Variants in GPC5 observed in about 807,000 individuals in gnomAD.
GPC5 encodes glypican 5, also known as glypican-5.
Under a neutral mutation model 53.9 loss-of-function variants are expected in GPC5, and 47 were observed. The observed-to-expected ratio is 0.87, with a 90% CI of 0.69 to 1.11. The LOEUF (loss-of-function observed/expected upper bound fraction) is 1.11, where lower values mean the gene tolerates loss of function less well. GPC5 is among the 50% of genes most tolerant of loss of function. The pLI is 0.00. For synonymous variants in GPC5, 286 were observed against 263.3 expected (o/e 1.09, Z -0.84); for missense variants, 748 against 713.1 (o/e 1.05, Z -0.56).
At chr13:91,855,866 A>G (rs1006933010) in intron 5 of GPC5, among the ~76,000 whole-genome samples, 2 of 151,570 alleles carry the variant, frequency 1.3e-5, no homozygotes, top group South Asian at 4.1e-4. Flanking sequence ...GATTGTAGAT[A>G]TATAATTCAA....
rs1158270100 is a variant in GPC5 at position 91,845,844 on chromosome 13, C to T, written c.1281-62093C>T. Among the ~76,000 whole-genome samples the T allele has an allele frequency of 2.0e-5, 3 of 152,118 alleles. No individual in the cohort carries two copies. The East Asian group carries it at 5.8e-4, about 29-fold the overall frequency. On this transcript the variant is annotated intron_variant, in intron 5 of 7. Coordinates refer to ENST00000377067, the MANE Select transcript of GPC5 (RefSeq NM_004466.6). ...GTTAAAATGTAAGATTTGTCACTTA[C>T]TAGCTGCATGATTTGAAAAGAGTTG...
intron 7 of GPC5, among the ~76,000 whole-genome samples, chr13:92,325,879 C>T (rs1180425058): frequency 1.3e-5 from 2 of 151,964 alleles, no homozygotes. Flanking sequence ...AAAGGGGCCT[C>T]ACTATACTTT....
intron 5 of GPC5, among the ~76,000 whole-genome samples, chr13:91,871,838 C>T (rs907055913): frequency 7.2e-5 from 11 of 152,112 alleles, no homozygotes; most frequent in Admixed American, 7.2e-4. Context: ...GCAGAGCCTA[C>T]AACTGCTTTT....
chr13:92,444,580 C>A (rs549951050), intron 7 of GPC5, among the ~76,000 whole-genome samples: 22 of 151,784 alleles, frequency 1.4e-4, no homozygotes, highest in Non-Finnish European at 2.4e-4. Context: ...AGTGGTAATA[C>A]AAACCAGACA....
chr13:91,617,137 T>C (rs1057380270), intron 2 of GPC5, among the ~76,000 whole-genome samples: 1 of 152,162 alleles, frequency 6.6e-6, no homozygotes, highest in Non-Finnish European at 1.5e-5. Flanking sequence ...GGGTTGGGTG[T>C]AGCAATCAAT....
intron 2 of GPC5, among the ~76,000 whole-genome samples, chr13:91,559,788 GAGTTA>G (rs2031160769): frequency 6.6e-6 from 1 of 151,994 alleles, no homozygotes; most frequent in Admixed American, 6.6e-5. Flanking sequence ...TTCTTCTCAT[GAGTTA>G]AGACAGGCAG....
At chr13:92,009,430 G>A (rs2040640580) in intron 6 of GPC5, among the ~76,000 whole-genome samples, 1 of 152,040 alleles carries the variant, frequency 6.6e-6, no homozygotes, top group South Asian at 2.1e-4. Flanking sequence ...TAAAATAAAG[G>A]TGACAATGTC....
At chr13:92,640,566 G>A (rs112399579) in intron 7 of GPC5, among the ~76,000 whole-genome samples, 13,270 of 152,024 alleles carry the variant, frequency 0.087, 740 homozygotes, top group Admixed American at 0.14. Context: ...GGCCCCAGAT[G>A]GTTTTTAATA....
intron 7 of GPC5, among the ~76,000 whole-genome samples, chr13:92,627,273 T>C (rs1294844924): frequency 2.0e-5 from 3 of 152,214 alleles, no homozygotes; most frequent in African/African-American, 7.2e-5. Context: ...AATACTTCAT[T>C]TTCCCAATGA....
At chr13:92,787,688 A>C in intron 7 of GPC5, among the ~76,000 whole-genome samples, 1 of 149,074 alleles carries the variant, frequency 6.7e-6, no homozygotes, top group Non-Finnish European at 1.5e-5. Flanking sequence ...AAAAAAGAAA[A>C]GAAAAGAAAG....
At chr13:92,154,457 T>C (rs1030208519) in intron 7 of GPC5, among the ~76,000 whole-genome samples, 17 of 152,210 alleles carry the variant, frequency 1.1e-4, no homozygotes, top group Non-Finnish European at 1.9e-4. Context: ...AAGGATAGAT[T>C]CTTGAATTTT....
intron 7 of GPC5, among the ~76,000 whole-genome samples, chr13:92,273,111 G>A (rs766777141): frequency 6.6e-6 from 1 of 151,908 alleles, no homozygotes; most frequent in Non-Finnish European, 1.5e-5. Flanking sequence ...ACTTTTTCTT[G>A]TTGTTTTGAT....
At chr13:92,521,933 A>T (rs1881066995) in intron 7 of GPC5, among the ~76,000 whole-genome samples, 1 of 152,198 alleles carries the variant, frequency 6.6e-6, no homozygotes, top group South Asian at 2.1e-4. Flanking sequence ...ATTTACAAGA[A>T]AAAAACAAAC....
chr13:91,728,183 T>C (rs75630394), intron 3 of GPC5, among the ~76,000 whole-genome samples: 2 of 152,132 alleles, frequency 1.3e-5, no homozygotes, highest in East Asian at 3.8e-4. Context: ...ATAGGACAAG[T>C]ATGTGATTAG....
At chr13:92,750,156 T>C (rs746807458) in intron 7 of GPC5, among the ~76,000 whole-genome samples, 2 of 152,192 alleles carry the variant, frequency 1.3e-5, no homozygotes, top group Non-Finnish European at 2.9e-5. Flanking sequence ...AAGCCTATTT[T>C]TCTCACACTG....
At chr13:92,067,578 T>G (rs2041177370) in intron 6 of GPC5, among the ~76,000 whole-genome samples, 1 of 152,024 alleles carries the variant, frequency 6.6e-6, no homozygotes, top group Non-Finnish European at 1.5e-5. Context: ...GTGGTTAATA[T>G]TTATCTGTAC....
chr13:92,043,240 A>C (rs1246962572), intron 6 of GPC5, among the ~76,000 whole-genome samples: 2 of 152,358 alleles, frequency 1.3e-5, no homozygotes, highest in East Asian at 3.9e-4. Flanking sequence ...AGCACATATG[A>C]CAGTCACATT....
intron 7 of GPC5, among the ~76,000 whole-genome samples, chr13:92,355,791 C>A (rs2043516413): frequency 6.6e-6 from 1 of 152,032 alleles, no homozygotes; most frequent in African/African-American, 2.4e-5. Context: ...AGCACCCGCT[C>A]ACTACTCACC....
chr13:92,619,459 T>C (rs112083672), intron 7 of GPC5, among the ~76,000 whole-genome samples: 3,208 of 152,068 alleles, frequency 0.021, 92 homozygotes, highest in African/African-American at 0.061. Context: ...TTTGCAAAGA[T>C]CGCATATACG....
Sources: allele counts gnomAD v4.1 joint callset (sites outside exome capture counted in the v4.1 genomes callset), GRCh38; gene constraint gnomAD v4.1.1; transcripts MANE v1.5; gene names NCBI Gene and HGNC (gene_info 2026-07-23, HGNC 2026-07-21).